Variants in MAP3K19 observed in about 807,000 individuals in gnomAD.
MAP3K19 encodes mitogen-activated protein kinase kinase kinase 19.
A neutral mutation model predicts 114.4 loss-of-function variants in MAP3K19; 91 were observed. The ratio of observed to expected loss-of-function variants is 0.80; its 90% CI spans 0.67 to 0.95. MAP3K19 has a LOEUF of 0.95. Among genes scored for constraint, MAP3K19 ranks in the 40% least tolerant of loss-of-function variants. The pLI is 0.00. For synonymous variants in MAP3K19, 518 were observed against 530.5 expected, an observed-to-expected ratio of 0.98 and a Z score of 0.32; for missense variants, 1,471 against 1,573.2, an observed-to-expected ratio of 0.94 and a Z score of 1.10.
At chr2:135,028,488 G>A (rs1301509238) in intron 3 of MAP3K19, among the ~76,000 whole-genome samples, 22 of 151,064 alleles carry the variant, frequency 1.5e-4, no homozygotes, top group Non-Finnish European at 8.8e-5. Flanking sequence ...GCCTGGGAAA[G>A]TCGAGGCTGC....
rs1463018292 is a variant in MAP3K19, at chr2:134,980,857, TC to T, written c.3883del (p.Glu1295LysfsTer11). ...LMPPLPDHFS[E>X]NAADFVRMCL... ...CATGCGCACAAAGTCTGCTGCATTT[TC>T]TGAGAAGTGGTCTGGTAAAGGAGGC... On this transcript the variant is annotated frameshift_variant, in exon 12 of 13. Coordinates refer to ENST00000392915, the MANE Select transcript of MAP3K19 (RefSeq NM_025052.5). LOFTEE classifies it high-confidence loss of function. 6.2e-7 allele frequency: 1 copy of T among 1,614,156 alleles called. No homozygotes were observed. The highest frequency in any genetic ancestry group is 8.5e-7 in the Non-Finnish European group (1 of 1,179,960).
intron 8 of MAP3K19, among the ~76,000 whole-genome samples, chr2:134,997,096 T>C (rs1385921525): frequency 6.6e-6 from 1 of 152,042 alleles, no homozygotes; most frequent in Non-Finnish European, 1.5e-5. Context: ...AAAAACGCTA[T>C]CAAGATTTGG....
rs146518035 is a variant in MAP3K19, at chr2:134,987,732, A to T, written c.1140T>A (p.Tyr380Ter). 107 of 1,610,872 alleles carry T rather than the reference A, an allele frequency of 6.6e-5. No homozygotes were observed. The East Asian group carries it at 2.3e-3, about 35-fold the overall frequency. ...TACATACTATTTCTGGATCTTGTTCATAGTTTTTGGCTACTGAACTCTCAT... is the reference window on the plus strand; with the variant it reads ...TACATACTATTTCTGGATCTTGTTCTTAGTTTTTGGCTACTGAACTCTCAT... The part of the protein sequence containing the change: ...RKNESSVAKN[Y>*]EQDPEIVCTI... The change falls in exon 10 of 13, where the codon TAT becomes TAA. Residue 380 changes from tyrosine (Y) to a stop codon, truncating the protein, a stop_gained. Transcript: ENST00000392915. LOFTEE classifies it high-confidence loss of function.
chr2:134,990,552 C>T (rs1454543296), intron 9 of MAP3K19, among the ~76,000 whole-genome samples: 1 of 151,718 alleles, frequency 6.6e-6, no homozygotes, highest in Non-Finnish European at 1.5e-5. Context: ...TGTCGGGTCA[C>T]TGCAACCTCC....
chr2:134,986,802 C>A lies in MAP3K19; in HGVS notation c.2070G>T (p.Ser690=), dbSNP rs372349374. The A allele has an allele frequency of 4.3e-6, 7 of 1,613,998 alleles. No individual in the cohort carries two copies. In the Admixed American group the frequency reaches 8.3e-5, roughly 19 times the overall value. Residue 690 remains serine, a synonymous_variant, in exon 10 of 13, where the codon TCG becomes TCT. Coordinates refer to ENST00000392915, the MANE Select transcript of MAP3K19 (RefSeq NM_025052.5). ...TGGTGATACGTCTGCCTGATGGAGC[C>A]GAACATATCTCACGGTAATACGTGT... ...DENTYYREIC[S]APSGRRITNK...
intron 2 of MAP3K19, among the ~76,000 whole-genome samples, chr2:135,036,771 G>A (rs62168936): frequency 0.027 from 4,120 of 151,956 alleles, 86 homozygotes; most frequent in Admixed American, 0.04. Context: ...AAAGGGGACT[G>A]GATAGAAGTT....
At chr2:135,023,731 A>T (rs7597802) in intron 4 of MAP3K19, 84,374 of 370,188 alleles carry the variant, frequency 0.23, 13,283 homozygotes, top group African/African-American at 0.48. Context: ...ACCCAAGGAC[A>T]CATTCCCTAG....
chr2:135,019,132 T>G (rs1687801134), intron 5 of MAP3K19, among the ~76,000 whole-genome samples: 3 of 151,712 alleles, frequency 2.0e-5, no homozygotes, highest in Non-Finnish European at 4.4e-5. Context: ...AAATGTAAAA[T>G]GTGAAACTAT....
intron 1 of MAP3K19, among the ~76,000 whole-genome samples, chr2:135,040,777 T>C (rs1452798766): frequency 1.3e-5 from 2 of 152,192 alleles, no homozygotes; most frequent in African/African-American, 4.8e-5. Flanking sequence ...AATTTCACCA[T>C]TATTTTGGAA....
intron 5 of MAP3K19, among the ~76,000 whole-genome samples, chr2:135,021,480 A>T (rs1687971868): frequency 6.6e-6 from 1 of 151,916 alleles, no homozygotes. Flanking sequence ...ACATACACAC[A>T]CACACACACA....
chr2:135,000,105 T>G (rs1358302898), intron 6 of MAP3K19, 90 bp from the exon 7 acceptor site: 22 of 856,740 alleles, frequency 2.6e-5, no homozygotes, highest in Non-Finnish European at 4.3e-5. Flanking sequence ...TTGGCTAATC[T>G]CTTCTTAATG....
chr2:134,998,901 G>T lies in MAP3K19; in HGVS notation c.411C>A (p.Thr137=). The change falls in exon 8 of 13, where the codon ACC becomes ACA. Residue 137 remains threonine, a synonymous_variant. Coordinates refer to ENST00000392915, the MANE Select transcript of MAP3K19 (RefSeq NM_025052.5). ...CTTTTTGCAAAACTAAGGGCCGCAT[G>T]GTCAGCTTCTTTTTCCTGAGCTCCA... ...ETVELRKKKL[T]MRPLVLQKEE... is the part of the protein sequence containing the mutation. The T allele has an allele frequency of 1.2e-6, 2 of 1,614,132 alleles. No individual in the cohort carries two copies. The highest frequency in any genetic ancestry group is 1.7e-6 in the Non-Finnish European group (2 of 1,180,018).
intron 8 of MAP3K19, 75 bp from the exon 9 acceptor site, chr2:134,991,655 G>A: frequency 8.2e-7 from 1 of 1,226,850 alleles, no homozygotes; most frequent in Admixed American, 1.8e-5. Flanking sequence ...GTCTGGGGAT[G>A]GAGTAATACA....
chr2:135,009,264 C>T (rs1687052619), intron 5 of MAP3K19, among the ~76,000 whole-genome samples: 1 of 151,812 alleles, frequency 6.6e-6, no homozygotes, highest in Non-Finnish European at 1.5e-5. Context: ...CACGTCTGGC[C>T]GACTTTTCAT....
At chr2:134,970,661 G>A (rs767565607) in intron 12 of MAP3K19, among the ~76,000 whole-genome samples, 6 of 148,138 alleles carry the variant, frequency 4.1e-5, no homozygotes, top group South Asian at 2.1e-4. Flanking sequence ...GCAGTGGTGC[G>A]ATCTCAGCTC....
At chr2:135,015,638 T>C (rs905652660) in intron 5 of MAP3K19, among the ~76,000 whole-genome samples, 1 of 152,206 alleles carries the variant, frequency 6.6e-6, no homozygotes, top group African/African-American at 2.4e-5. Flanking sequence ...CTCATGCCTG[T>C]AATTCCAGCA....
chr2:134,974,664 A>G (rs1684102111), intron 12 of MAP3K19, among the ~76,000 whole-genome samples: 1 of 152,094 alleles, frequency 6.6e-6, no homozygotes, highest in Non-Finnish European at 1.5e-5. Context: ...AGTTTCCTAC[A>G]TGTCATGTAG....
Position 134,999,198 on chromosome 2 carries a change from C to T in MAP3K19, c.315-201G>A, listed in dbSNP as rs890411645. ...TGGCCTCCTTAGCCCTCTGTACCAT[C>T]GCTTGGATGGATTAGGTTTCAGCTC... On this transcript the variant is annotated intron_variant, in intron 7 of 12. Coordinates refer to ENST00000392915, the MANE Select transcript of MAP3K19 (RefSeq NM_025052.5). The surrounding 1 kb of genome is among the most constrained non-coding windows in gnomAD (Gnocchi z 4.1). Among the ~76,000 whole-genome samples the T allele has an allele frequency of 9.9e-5, 15 of 152,176 alleles. No individual in the cohort carries two copies. Among genetic ancestry groups the T allele is most frequent in the Admixed American group, 2.6e-4 (4 of 15,276 alleles).
intron 6 of MAP3K19, among the ~76,000 whole-genome samples, chr2:135,003,240 C>T (rs1218040062): frequency 6.6e-6 from 1 of 152,094 alleles, no homozygotes; most frequent in East Asian, 1.9e-4. Context: ...TATTTAAGCC[C>T]CCCAGTCTAT....
Sources: gnomAD v4.1 joint callset for allele counts (sites outside exome capture counted in the v4.1 genomes callset) on GRCh38, gnomAD v4.1.1 for gene constraint, Gnocchi (gnomAD v3.1) non-coding constraint, MANE v1.5 for transcripts, NCBI Gene and HGNC (gene_info 2026-07-23, HGNC 2026-07-21) for gene names.